SSBP2: variants seen among roughly 807,000 people sequenced by gnomAD.
SSBP2 encodes the protein single stranded DNA binding protein 2.
Under a neutral mutation model 61.8 loss-of-function variants are expected in SSBP2, and 17 were observed. That is an observed-to-expected ratio of 0.28 (90% CI 0.19 to 0.41). The LOEUF (loss-of-function observed/expected upper bound fraction) is 0.41. SSBP2 is among the 10% of genes least tolerant of loss of function. The pLI is 1.00. For synonymous variants in SSBP2, 139 were observed against 141.3 expected (o/e 0.98, Z 0.12); for missense variants, 310 against 458.7 (o/e 0.68, Z 2.96).
chr5:81,458,992 T>C (rs1382656636), intron 10 of SSBP2, among the ~76,000 whole-genome samples: 1 of 152,132 alleles, frequency 6.6e-6, no homozygotes, highest in East Asian at 1.9e-4. Flanking sequence ...TGAGTAAGGG[T>C]AGATGTTTGC....
At chr5:81,505,492 G>A (rs1397462943) in intron 5 of SSBP2, among the ~76,000 whole-genome samples, 3 of 152,126 alleles carry the variant, frequency 2.0e-5, no homozygotes, top group African/African-American at 7.2e-5. Context: ...CCCAAAGAAT[G>A]TGGAGCATTT....
chr5:81,465,739 A>T (rs956799791), intron 9 of SSBP2, among the ~76,000 whole-genome samples: 8 of 152,036 alleles, frequency 5.3e-5, no homozygotes, highest in Non-Finnish European at 8.8e-5. Flanking sequence ...TCAGCTTTTG[A>T]CATAATAAGC....
At chr5:81,732,124 CATA>C (rs936485864) in intron 1 of SSBP2, among the ~76,000 whole-genome samples, 1 of 151,982 alleles carries the variant, frequency 6.6e-6, no homozygotes, top group Non-Finnish European at 1.5e-5. Flanking sequence ...TAATCAAAAC[CATA>C]ATTACATTTA....
chr5:81,478,676 G>C (rs1765762338), intron 6 of SSBP2, among the ~76,000 whole-genome samples: 1 of 152,048 alleles, frequency 6.6e-6, no homozygotes, highest in Admixed American at 6.6e-5. Context: ...TCACTATGTT[G>C]CTCAGGCAGG....
chr5:81,623,582 G>A (rs929935089), intron 3 of SSBP2, among the ~76,000 whole-genome samples: 41 of 151,832 alleles, frequency 2.7e-4, no homozygotes, highest in African/African-American at 7.7e-4. Context: ...TGATCCGCCC[G>A]TCTCGGCCTC....
chr5:81,622,195 A>T (rs1746653348), intron 3 of SSBP2, among the ~76,000 whole-genome samples: 1 of 151,966 alleles, frequency 6.6e-6, no homozygotes, highest in Non-Finnish European at 1.5e-5. Flanking sequence ...GAAGTGAAGC[A>T]GACTGGGGGG....
intron 4 of SSBP2, among the ~76,000 whole-genome samples, chr5:81,598,476 C>A (rs990424810): frequency 1.3e-5 from 2 of 152,138 alleles, no homozygotes; most frequent in Non-Finnish European, 2.9e-5. Context: ...GACCAAAGAA[C>A]CCATAAGCAC....
chr5:81,587,099 G>C (rs1205643246), intron 4 of SSBP2, among the ~76,000 whole-genome samples: 1 of 150,926 alleles, frequency 6.6e-6, no homozygotes, highest in Non-Finnish European at 1.5e-5. Context: ...TCTTTTTTTT[G>C]CTTAATAAAG....
At chr5:81,502,913 G>A (rs1270921409) in intron 5 of SSBP2, among the ~76,000 whole-genome samples, 1 of 152,172 alleles carries the variant, frequency 6.6e-6, no homozygotes, top group Non-Finnish European at 1.5e-5. Context: ...TGCAAACTAT[G>A]CATCTGACAA....
At chr5:81,430,518 A>G (rs1322564562) in intron 15 of SSBP2, among the ~76,000 whole-genome samples, 1 of 152,206 alleles carries the variant, frequency 6.6e-6, no homozygotes, top group East Asian at 1.9e-4. Context: ...CATTTGCCAT[A>G]TATCATTTCT....
chr5:81,585,174 T>G (rs929792806), intron 4 of SSBP2, among the ~76,000 whole-genome samples: 1 of 152,080 alleles, frequency 6.6e-6, no homozygotes, highest in Non-Finnish European at 1.5e-5. Flanking sequence ...AACGTACAAT[T>G]ATTTCTCCCC....
At chr5:81,593,118 A>C (rs1581117465) in intron 4 of SSBP2, among the ~76,000 whole-genome samples, 1 of 152,346 alleles carries the variant, frequency 6.6e-6, no homozygotes, top group Middle Eastern at 3.4e-3. Flanking sequence ...ATGGATAACT[A>C]GAATAACCAA....
Position 81,732,919 on chromosome 5 carries a change from G to C in SSBP2, c.62+18062C>G, listed in dbSNP as rs368783168. On this transcript the variant is annotated intron_variant, in intron 1 of 16. Coordinates refer to ENST00000320672, the MANE Select transcript of SSBP2 (RefSeq NM_012446.5). ...GGGTAAGTGATCTCTTGTCATTTCA[G>C]ACAATTAGAAAACAGTACATTTTAA... Among the ~76,000 whole-genome samples, 4 of 152,142 alleles carry C rather than the reference G, an allele frequency of 2.6e-5. No homozygotes were observed. The East Asian group carries it at 5.8e-4, about 22-fold the overall frequency.
At chr5:81,734,756 G>A (rs1056198194) in intron 1 of SSBP2, among the ~76,000 whole-genome samples, 1 of 152,104 alleles carries the variant, frequency 6.6e-6, no homozygotes, top group Non-Finnish European at 1.5e-5. Context: ...CAGATCATGA[G>A]GTCAGGAGAT....
At chr5:81,658,667 T>C (rs1750435169) in intron 1 of SSBP2, among the ~76,000 whole-genome samples, 1 of 152,182 alleles carries the variant, frequency 6.6e-6, no homozygotes, top group Non-Finnish European at 1.5e-5. Flanking sequence ...GTATTTGTCT[T>C]CCTCTGCCTC....
chr5:81,437,765 C>T (rs1762764626), intron 14 of SSBP2: 1 of 183,418 alleles, frequency 5.5e-6, no homozygotes, highest in Non-Finnish European at 1.1e-5. Flanking sequence ...TATACCCTAC[C>T]CAATTAAAAA....
intron 15 of SSBP2, among the ~76,000 whole-genome samples, chr5:81,432,920 C>A (rs1209885704): frequency 6.9e-6 from 1 of 145,598 alleles, no homozygotes; most frequent in African/African-American, 2.6e-5. Context: ...GCCACCCCGT[C>A]CGGGAGGGAG....
chr5:81,615,439 C>T (rs375836433), intron 4 of SSBP2, 34 bp downstream of exon 4: 2 of 1,467,608 alleles, frequency 1.4e-6, no homozygotes, highest in African/African-American at 1.4e-5. Context: ...AGAAAACTGA[C>T]AGTGTAACTT....
chr5:81,463,438 G>T (rs986740804), intron 9 of SSBP2, among the ~76,000 whole-genome samples: 3 of 152,188 alleles, frequency 2.0e-5, no homozygotes, highest in Non-Finnish European at 4.4e-5. Flanking sequence ...GATAGTTTAT[G>T]CCTGTAATCC....
Sources: gnomAD v4.1 joint callset for allele counts (sites outside exome capture counted in the v4.1 genomes callset) on GRCh38, gnomAD v4.1.1 for gene constraint, MANE v1.5 for transcripts, NCBI Gene and HGNC (gene_info 2026-07-23, HGNC 2026-07-21) for gene names.